STK31: variants seen among roughly 807,000 people sequenced by gnomAD.
The protein encoded by STK31 is serine/threonine-protein kinase 31.
STK31 carries 89 observed loss-of-function variants against 129.7 expected under a neutral mutation model. That is an observed-to-expected ratio of 0.69 (90% CI 0.58 to 0.82). STK31 has a LOEUF of 0.82. Ranked by LOEUF, STK31 falls within the 40% of genes least tolerant of loss-of-function variation. The probability of loss-of-function intolerance (pLI) is 0.00; values close to 1 mark genes in which losing one functional copy is unlikely to be tolerated. For synonymous variants in STK31, 448 were observed against 395.3 expected (o/e 1.13, Z -1.58); for missense variants, 1,187 against 1,176.4 (o/e 1.01, Z -0.13).
At chr7:23,762,658 T>C in intron 10 of STK31, 143 bp from the exon 11 acceptor site, 2 of 823,592 alleles carry the variant, frequency 2.4e-6, no homozygotes, top group Non-Finnish European at 3.5e-6. Context: ...TGTCATTTTG[T>C]TGATCTAAGG....
At chr7:23,754,510 CT>C in intron 10 of STK31, 36 bp downstream of exon 10, 2 of 1,561,584 alleles carry the variant, frequency 1.3e-6, no homozygotes, top group Non-Finnish European at 1.7e-6. Flanking sequence ...TGGTTTTTAT[CT>C]GTTGAACATA....
In STK31 at chr7:23,712,087, G is replaced by A. The variant is rs773777032; in HGVS notation, c.51-12G>A. ...GTGGATTATTGTAATCTAATTTAAG[G>A]TATTGTTCTAGTTTTTCAGGAATTG... On this transcript the variant is annotated splice_polypyrimidine_tract_variant and intron_variant, in intron 1 of 23. Transcript: ENST00000355870. The A allele has an allele frequency of 2.5e-6, 4 of 1,589,640 alleles. No homozygotes were observed. Among genetic ancestry groups the A allele is most frequent in the Admixed American group, 1.7e-5 (1 of 59,776 alleles).
chr7:23,821,710 C>T (rs1793794178), intron 23 of STK31, among the ~76,000 whole-genome samples: 4 of 152,104 alleles, frequency 2.6e-5, no homozygotes, highest in Admixed American at 2.6e-4. Context: ...GAGGTCTTAG[C>T]CATAAAAATC....
At chr7:23,729,018 C>A in intron 5 of STK31, 73 bp from the exon 6 acceptor site, 1 of 1,373,596 alleles carries the variant, frequency 7.3e-7, no homozygotes, top group African/African-American at 1.5e-5. Flanking sequence ...TAACAGAGAG[C>A]AGCAAATTGG....
intron 16 of STK31, 84 bp downstream of exon 16, chr7:23,781,604 A>C: frequency 1.1e-6 from 1 of 935,504 alleles, no homozygotes; most frequent in Non-Finnish European, 1.7e-6. Context: ...AGTGGACTGT[A>C]ATCACAAGGC....
At chr7:23,710,393 C>T (rs1785865316) in intron 1 of STK31, 58 bp downstream of exon 1, 1 of 1,611,738 alleles carries the variant, frequency 6.2e-7, no homozygotes, top group Admixed American at 1.7e-5. Flanking sequence ...CTATTTTCGT[C>T]GCTGCTTGCG....
intron 8 of STK31, 33 bp downstream of exon 8, chr7:23,737,111 AACTGGG>A (rs1562560658): frequency 6.5e-7 from 1 of 1,533,960 alleles, no homozygotes; most frequent in Non-Finnish European, 8.7e-7. Context: ...AAGAGTGTCC[AACTGGG>A]AAATCTGTGT....
Position 23,808,164 on chromosome 7 carries a change from TA to T in STK31, c.2761-6979del. On this transcript the variant is annotated intron_variant, in intron 22 of 23. Coordinates refer to ENST00000355870, the MANE Select transcript of STK31 (RefSeq NM_031414.5). The stretch of plus-strand genomic sequence containing the variant: ...GAATCCTTTTTAATATATATATATA[TA>T]TATATTTTTTGTAGGCAGCCACCCT... 2.6e-5 allele frequency among the ~76,000 whole-genome samples: 3 copies of T among 116,810 alleles called. No homozygotes were observed. In the East Asian group the frequency reaches 6.8e-4, roughly 26 times the overall value. The allele number at this position is 116,810 out of a possible 152,430, so 76.6% of individuals were successfully genotyped here.
chr7:23,736,863 A>T (rs1388260488), intron 7 of STK31, 41 bp from the exon 8 acceptor site: 1 of 1,548,300 alleles, frequency 6.5e-7, no homozygotes, highest in East Asian at 2.3e-5. Flanking sequence ...TGTCAGCCTT[A>T]TACAGTTTGT....
chr7:23,753,064 A>G (rs1190531521), intron 9 of STK31, among the ~76,000 whole-genome samples: 1 of 152,214 alleles, frequency 6.6e-6, no homozygotes, highest in East Asian at 1.9e-4. Context: ...TGAGACTGAA[A>G]TTGAAAAAAC....
chr7:23,732,768 T>C (rs1197817274), intron 6 of STK31, among the ~76,000 whole-genome samples: 1 of 152,142 alleles, frequency 6.6e-6, no homozygotes, highest in Non-Finnish European at 1.5e-5. Flanking sequence ...AAAGACAGGG[T>C]TTCTTGAAAT....
chr7:23,732,401 A>G (rs1465248814), intron 6 of STK31, among the ~76,000 whole-genome samples: 1 of 152,218 alleles, frequency 6.6e-6, no homozygotes, highest in Non-Finnish European at 1.5e-5. Context: ...GTTTATATGT[A>G]TTATATATAA....
At chr7:23,826,657 A>C (rs1467571274) in intron 23 of STK31, among the ~76,000 whole-genome samples, 1 of 152,026 alleles carries the variant, frequency 6.6e-6, no homozygotes, top group Non-Finnish European at 1.5e-5. Context: ...TTAGCTGGTT[A>C]TTTTGCTTGT....
intron 15 of STK31, among the ~76,000 whole-genome samples, chr7:23,772,866 A>G (rs1047309149): frequency 6.6e-6 from 1 of 152,194 alleles, no homozygotes; most frequent in African/African-American, 2.4e-5. Context: ...ATGTACAAGG[A>G]TCTGTATTAT....
chr7:23,829,067 ATT>A (rs111754673), intron 23 of STK31, among the ~76,000 whole-genome samples: 1 of 143,542 alleles, frequency 7.0e-6, no homozygotes, highest in Non-Finnish European at 1.5e-5. Context: ...TGCCCAGCAA[ATT>A]TTTTTTTTTT....
intron 6 of STK31, among the ~76,000 whole-genome samples, chr7:23,733,797 A>C (rs1002503224): frequency 1.3e-5 from 2 of 152,130 alleles, no homozygotes; most frequent in Non-Finnish European, 2.9e-5. Flanking sequence ...CGACAAAGCC[A>C]GACTCCATTC....
intron 7 of STK31, among the ~76,000 whole-genome samples, chr7:23,736,425 A>G (rs931837505): frequency 6.6e-6 from 1 of 152,150 alleles, no homozygotes; most frequent in African/African-American, 2.4e-5. Flanking sequence ...TATATGTATC[A>G]AAACAGTCTT....
intron 11 of STK31, among the ~76,000 whole-genome samples, chr7:23,764,070 C>G (rs1388522350): frequency 6.6e-6 from 1 of 152,170 alleles, no homozygotes; most frequent in Non-Finnish European, 1.5e-5. Flanking sequence ...TTTGATGATG[C>G]ACCACATGGC....
chr7:23,736,659 A>G (rs895795343), intron 7 of STK31, among the ~76,000 whole-genome samples: 3 of 152,098 alleles, frequency 2.0e-5, no homozygotes, highest in Non-Finnish European at 4.4e-5. Context: ...TGTAGTTGAT[A>G]GTGCTATGAA....
Sources: allele counts gnomAD v4.1 joint callset (sites outside exome capture counted in the v4.1 genomes callset), GRCh38; gene constraint gnomAD v4.1.1; transcripts MANE v1.5; gene names NCBI Gene and HGNC (gene_info 2026-07-23, HGNC 2026-07-21).